The following NAV2 variants were observed in gnomAD, a reference collection of about 807,000 sequenced individuals.
NAV2 encodes neuron navigator 2.
A neutral mutation model predicts 223.2 loss-of-function variants in NAV2; 54 were observed. The observed-to-expected ratio is 0.24, with a 90% CI of 0.19 to 0.30. NAV2 has a LOEUF of 0.30. Among genes scored for constraint, NAV2 ranks in the 10% least tolerant of loss-of-function variants. NAV2 has a pLI of 1.00. For synonymous variants in NAV2, 1,279 were observed against 1,239.3 expected, an observed-to-expected ratio of 1.03 and a Z score of -0.67; for missense variants, 2,806 against 3,147.5, an observed-to-expected ratio of 0.89 and a Z score of 2.60.
At position 20,022,018 on chromosome 11, in the gene NAV2, C is replaced by T. The variant is rs544687735; in HGVS notation, c.2769-13941C>T. On this transcript the variant is annotated intron_variant, in intron 11 of 37. Transcript: ENST00000349880. ...AACCATCCCCCAGGGCCACAACCCC[C>T]GCTCCCTGCTTCCACTGGAGAGGCC... Among the ~76,000 whole-genome samples, 34 of 152,324 alleles carry T rather than the reference C, an allele frequency of 2.2e-4. No homozygotes were observed. In the South Asian group the frequency reaches 3.7e-3, roughly 17 times the overall value.
At chr11:19,910,751 G>A (rs1389075212) in intron 6 of NAV2, among the ~76,000 whole-genome samples, 4 of 152,082 alleles carry the variant, frequency 2.6e-5, no homozygotes, top group East Asian at 3.9e-4. Flanking sequence ...CCAGCTACTC[G>A]GGAGGCTGAG....
rs367578242 is a variant in NAV2, at chr11:19,583,496, G to A, written c.75+232469G>A. Among the ~76,000 whole-genome samples, 14 of 150,438 alleles carry A rather than the reference G, an allele frequency of 9.3e-5. No homozygotes were observed. In the South Asian group the frequency reaches 2.8e-3, roughly 30 times the overall value. On this transcript the variant is annotated intron_variant, in intron 1 of 37. Coordinates refer to the NAV2 transcript ENST00000360655. ...TGCTTCCAGTTTTTGCCCATTCAGT[G>A]TGATATTGGCTGTGGGTTTGTCATA...
chr11:19,840,309 G>T (rs2152935687), intron 2 of NAV2, among the ~76,000 whole-genome samples: 1 of 152,322 alleles, frequency 6.6e-6, no homozygotes, highest in African/African-American at 2.4e-5. Context: ...AATTCAAAGA[G>T]CACCTGACTG....
At chr11:19,776,191 G>A (rs2056138855) in intron 1 of NAV2, among the ~76,000 whole-genome samples, 2 of 152,208 alleles carry the variant, frequency 1.3e-5, no homozygotes, top group Non-Finnish European at 2.9e-5. Context: ...TCCGAGGTCT[G>A]GGTGGCTAGT....
chr11:19,444,722 TTATTAC>T (rs1160249798), intron 1 of NAV2, among the ~76,000 whole-genome samples: 4 of 151,042 alleles, frequency 2.6e-5, no homozygotes, highest in Admixed American at 6.6e-5. Context: ...TTTATTATTA[TTATTAC>T]TAATTATTAT....
At chr11:20,004,403 C>T (rs1171885227) in intron 11 of NAV2, among the ~76,000 whole-genome samples, 2 of 152,152 alleles carry the variant, frequency 1.3e-5, no homozygotes, top group African/African-American at 2.4e-5. Flanking sequence ...TCTCTCCTCT[C>T]CCCACTGCCG....
chr11:19,812,648 G>A (rs907942111), intron 1 of NAV2, among the ~76,000 whole-genome samples: 1 of 152,010 alleles, frequency 6.6e-6, no homozygotes, highest in African/African-American at 2.4e-5. Flanking sequence ...ACCTAAGGTG[G>A]AGCAAAGATA....
intron 6 of NAV2, among the ~76,000 whole-genome samples, chr11:19,894,767 G>T (rs917513222): frequency 1.6e-4 from 25 of 152,214 alleles, no homozygotes; most frequent in Non-Finnish European, 2.9e-4. Flanking sequence ...TTTTGCTCTT[G>T]TTGCCCAGGC....
intron 1 of NAV2, among the ~76,000 whole-genome samples, chr11:19,440,493 C>A (rs75690309): frequency 1.3e-5 from 2 of 152,056 alleles, no homozygotes; most frequent in Admixed American, 1.3e-4. Flanking sequence ...AAGTTGAGAA[C>A]GGGGTAAGGA....
intron 1 of NAV2, among the ~76,000 whole-genome samples, chr11:19,420,528 T>A (rs146379394): frequency 1.3e-5 from 2 of 152,328 alleles, no homozygotes; most frequent in East Asian, 3.9e-4. Context: ...TCATTAAAGA[T>A]AGAATGAAGT....
chr11:19,374,804 A>G (rs752083154), intron 1 of NAV2, among the ~76,000 whole-genome samples: 8 of 152,158 alleles, frequency 5.3e-5, no homozygotes, highest in Non-Finnish European at 1.2e-4. Flanking sequence ...CCCACCTGGC[A>G]ATTTGACTCC....
chr11:19,520,377 C>T (rs1283627045), intron 1 of NAV2, among the ~76,000 whole-genome samples: 6 of 152,354 alleles, frequency 3.9e-5, no homozygotes, highest in Admixed American at 3.3e-4. Flanking sequence ...GGGAAGAAGC[C>T]ATGGGATGCC....
intron 1 of NAV2, among the ~76,000 whole-genome samples, chr11:19,610,292 T>C (rs1233627944): frequency 6.6e-6 from 1 of 152,234 alleles, no homozygotes; most frequent in African/African-American, 2.4e-5. Context: ...TTGAGGAGGC[T>C]TAAAATATAT....
chr11:19,886,692 T>A (rs1311484603), intron 5 of NAV2, among the ~76,000 whole-genome samples: 2 of 152,102 alleles, frequency 1.3e-5, no homozygotes, highest in African/African-American at 4.8e-5. Context: ...AAATATCTAA[T>A]TGGAAGCACA....
intron 17 of NAV2, 45 bp downstream of exon 17, chr11:20,051,378 T>C (rs370423162): frequency 2.5e-6 from 4 of 1,592,048 alleles, no homozygotes; most frequent in African/African-American, 1.3e-5. Context: ...GTTGTGGCTT[T>C]GGAGCTTGGC....
At chr11:19,391,893 G>T (rs902832238) in intron 1 of NAV2, among the ~76,000 whole-genome samples, 4 of 152,118 alleles carry the variant, frequency 2.6e-5, no homozygotes, top group African/African-American at 9.7e-5. Context: ...AGCTCAACTC[G>T]CAGGGATTAA....
intron 1 of NAV2, among the ~76,000 whole-genome samples, chr11:19,361,527 G>A (rs117060691): frequency 0.013 from 1,941 of 152,116 alleles, 25 homozygotes; most frequent in Non-Finnish European, 0.021. Context: ...CTGCACAGAA[G>A]GTAGGCCAAA....
chr11:19,658,683 A>G (rs965069822), intron 1 of NAV2, among the ~76,000 whole-genome samples: 1 of 152,180 alleles, frequency 6.6e-6, no homozygotes, highest in Non-Finnish European at 1.5e-5. Context: ...TGACTGGCTC[A>G]TGAGAACTAA....
At chr11:19,792,996 G>A (rs1330802666) in intron 1 of NAV2, among the ~76,000 whole-genome samples, 1 of 151,692 alleles carries the variant, frequency 6.6e-6, no homozygotes, top group African/African-American at 2.4e-5. Flanking sequence ...ATCACCTGAG[G>A]TCAGGAGTTC....
Sources: gnomAD v4.1 joint callset for allele counts (sites outside exome capture counted in the v4.1 genomes callset) on GRCh38, gnomAD v4.1.1 for gene constraint, MANE v1.5 for transcripts, NCBI Gene and HGNC (gene_info 2026-07-23, HGNC 2026-07-21) for gene names.